LEMD1: variants seen among roughly 807,000 people sequenced by gnomAD.
The protein encoded by LEMD1 is LEM domain containing 1, also known as LEM domain-containing protein 1.
In LEMD1, 18 loss-of-function variants were observed where a neutral mutation model predicts 17.4. That is an observed-to-expected ratio of 1.04 (90% CI 0.72 to 1.54). The LOEUF (loss-of-function observed/expected upper bound fraction) is 1.54, where lower values mean the gene tolerates loss of function less well. LEMD1 is among the 40% of genes most tolerant of loss of function. The probability of loss-of-function intolerance (pLI) is 0.00; values close to 1 mark genes in which losing one functional copy is unlikely to be tolerated. For missense variants in LEMD1, 195 were observed against 210.4 expected, an observed-to-expected ratio of 0.93 and a Z score of 0.45; for synonymous variants, 88 against 77.8, an observed-to-expected ratio of 1.13 and a Z score of -0.69.
At chr1:205,400,828 T>C in intron 4 of LEMD1, among the ~76,000 whole-genome samples, 1 of 125,242 alleles carries the variant, frequency 8.0e-6, no homozygotes. Flanking sequence ...TAGGTATATC[T>C]CCTAATGCTA....
At chr1:205,436,484 G>A (rs35594408) in intron 1 of LEMD1, 12,021 of 146,556 alleles carry the variant, frequency 0.082, 630 homozygotes, top group Non-Finnish European at 0.12. Context: ...CAATAACCCC[G>A]GCACAGTGGG....
At chr1:205,440,960 C>T (rs1463581331) in intron 1 of LEMD1, 1 of 152,454 alleles carries the variant, frequency 6.6e-6, no homozygotes, top group Non-Finnish European at 1.5e-5. Flanking sequence ...TGAACTTCCT[C>T]CTTCTTCCTC....
intron 4 of LEMD1, among the ~76,000 whole-genome samples, chr1:205,404,893 C>T (rs1264136334): frequency 6.6e-6 from 1 of 151,614 alleles, no homozygotes; most frequent in Non-Finnish European, 1.5e-5. Flanking sequence ...TTAGGGCAGG[C>T]CTGGTGGTGA....
intron 1 of LEMD1, among the ~76,000 whole-genome samples, chr1:205,447,468 ACT>A (rs1265027730): frequency 6.6e-6 from 1 of 151,980 alleles, no homozygotes; most frequent in Admixed American, 6.5e-5. Context: ...CAGACTGGGG[ACT>A]GGAACAGGGA....
At chr1:205,423,070 TC>T (rs1353130153), upstream of LEMD1, among the ~76,000 whole-genome samples, 1 of 152,222 alleles carries the variant, frequency 6.6e-6, no homozygotes, top group Admixed American at 6.5e-5. Context: ...AGTTTCCACA[TC>T]CGGTATTTTC....
intron 4 of LEMD1, among the ~76,000 whole-genome samples, chr1:205,411,535 C>A (rs376637889): frequency 3.1e-5 from 4 of 128,228 alleles, no homozygotes; most frequent in East Asian, 2.5e-4. Context: ...CAGCCTAGGC[C>A]ACAGAGTGAG....
rs550282825 is a variant in LEMD1, at chr1:205,448,450, G to A, written c.-39+1418C>T. The A allele has an allele frequency of 2.8e-5, 15 of 528,920 alleles. No homozygotes were observed. The highest frequency in any genetic ancestry group is 1.8e-4 in the Admixed American group (9 of 51,068). The allele number at this position is 528,920 out of a possible 1,614,324, so 32.8% of individuals were successfully genotyped here. Reference sequence around the variant, plus strand: ...AGGGAAGCGAGAAGCTGGGGCACCCGAGAAGCCCTCACTCCCCTTCTCAGC... The same window carrying A: ...AGGGAAGCGAGAAGCTGGGGCACCCAAGAAGCCCTCACTCCCCTTCTCAGC... On this transcript the variant is annotated intron_variant, in intron 1 of 3. Coordinates refer to the LEMD1 transcript ENST00000367154. This position sits in a 1 kb window ranked among gnomAD's most constrained non-coding sequence, Gnocchi z 4.7.
chr1:205,438,709 G>A (rs1666246867), intron 1 of LEMD1, among the ~76,000 whole-genome samples: 1 of 152,126 alleles, frequency 6.6e-6, no homozygotes, highest in African/African-American at 2.4e-5. Flanking sequence ...CCGGCTTGGA[G>A]GCAGAGGACA....
intron 4 of LEMD1, among the ~76,000 whole-genome samples, chr1:205,402,912 G>C (rs550648505): frequency 1.2e-4 from 18 of 152,024 alleles, no homozygotes; most frequent in South Asian, 4.2e-4. Flanking sequence ...TAGCATGAAG[G>C]GTTGTTGAAT....
At chr1:205,444,729 G>A (rs371074463) in intron 1 of LEMD1, among the ~76,000 whole-genome samples, 7 of 152,220 alleles carry the variant, frequency 4.6e-5, no homozygotes, top group East Asian at 3.9e-4. Flanking sequence ...GGGCGGCAGC[G>A]GGGGTGGAAG....
chr1:205,393,666 A>T (rs1193783492), intron 4 of LEMD1, among the ~76,000 whole-genome samples: 1 of 88,748 alleles, frequency 1.1e-5, no homozygotes, highest in Non-Finnish European at 2.3e-5. Flanking sequence ...ACAGAGAGAG[A>T]CTCTGTCTTA....
At chr1:205,400,838 A>C (rs1664806479) in intron 4 of LEMD1, among the ~76,000 whole-genome samples, 4 of 37,328 alleles carry the variant, frequency 1.1e-4, no homozygotes, top group Non-Finnish European at 1.6e-4. Flanking sequence ...TCCTAATGCT[A>C]TCCCTCCCCC....
chr1:205,443,833 C>A (rs7548935), intron 1 of LEMD1, among the ~76,000 whole-genome samples: 115,412 of 152,068 alleles, frequency 0.76, 44,739 homozygotes, highest in East Asian at 0.99. Context: ...AACCCATTTC[C>A]GTATCCCTGC....
intron 4 of LEMD1, among the ~76,000 whole-genome samples, chr1:205,412,653 T>C (rs781041271): frequency 3.0e-4 from 45 of 152,320 alleles, no homozygotes; most frequent in Non-Finnish European, 5.3e-4. Flanking sequence ...TACATGGAAA[T>C]GTGAATGCTT....
At chr1:205,386,289 T>G (rs1477000539) in intron 4 of LEMD1, 1 of 143,560 alleles carries the variant, frequency 7.0e-6, no homozygotes, top group African/African-American at 2.6e-5. Flanking sequence ...CCCCTTCCCC[T>G]GTACTCCCTG....
chr1:205,413,382 A>G (rs1256295945), intron 4 of LEMD1, among the ~76,000 whole-genome samples: 2 of 151,954 alleles, frequency 1.3e-5, no homozygotes, highest in African/African-American at 4.8e-5. Context: ...CGACATCCCA[A>G]GCCTCAAGAG....
At chr1:205,384,823 A>G (rs1481596499) in intron 4 of LEMD1, among the ~76,000 whole-genome samples, 2 of 152,166 alleles carry the variant, frequency 1.3e-5, no homozygotes, top group Non-Finnish European at 2.9e-5. Flanking sequence ...GAGCAATTGT[A>G]GGGGACTCCC....
chr1:205,421,798 G>A (rs1278901871), intron 1 of LEMD1, among the ~76,000 whole-genome samples, 192 bp downstream of exon 1: 1 of 152,080 alleles, frequency 6.6e-6, no homozygotes, highest in Non-Finnish European at 1.5e-5. Flanking sequence ...TTTTTTACTG[G>A]AAGCTTGCTT....
chr1:205,416,610 C>T (rs1665708955), intron 3 of LEMD1, among the ~76,000 whole-genome samples: 1 of 152,098 alleles, frequency 6.6e-6, no homozygotes, highest in Non-Finnish European at 1.5e-5. Flanking sequence ...AGCTGTAAGC[C>T]CCATGCATCC....
Sources: gnomAD v4.1 joint callset for allele counts (sites outside exome capture counted in the v4.1 genomes callset) on GRCh38, gnomAD v4.1.1 for gene constraint, Gnocchi (gnomAD v3.1) non-coding constraint, MANE v1.5 for transcripts, NCBI Gene and HGNC (gene_info 2026-07-23, HGNC 2026-07-21) for gene names.